CACNA2D3: variants seen among roughly 807,000 people sequenced by gnomAD.
CACNA2D3 encodes calcium voltage-gated channel auxiliary subunit alpha2delta 3.
Under a neutral mutation model 160.6 loss-of-function variants are expected in CACNA2D3, and 60 were observed. The observed-to-expected ratio is 0.37, with a 90% CI of 0.30 to 0.46. The LOEUF is 0.46. Among genes scored for constraint, CACNA2D3 ranks in the 20% least tolerant of loss-of-function variants. The probability of loss-of-function intolerance (pLI) is 1.00; values close to 1 mark genes in which losing one functional copy is unlikely to be tolerated. For missense variants in CACNA2D3, 1,205 were observed against 1,365.0 expected (o/e 0.88, Z 1.85); for synonymous variants, 558 against 492.9 (o/e 1.13, Z -1.75).
intron 11 of CACNA2D3, among the ~76,000 whole-genome samples, chr3:54,687,132 TTTGTTTTTTTTTTTTTTTG>T (rs1700472474): frequency 9.4e-5 from 6 of 64,144 alleles, no homozygotes; most frequent in Middle Eastern, 6.8e-3. Context: ...TTTTTTTTTT[TTTGTTTTTTTTTTTTTTTG>T]TTTTTTTGAC....
At chr3:54,311,914 C>T (rs1003924635) in intron 2 of CACNA2D3, among the ~76,000 whole-genome samples, 1 of 152,108 alleles carries the variant, frequency 6.6e-6, no homozygotes, top group Non-Finnish European at 1.5e-5. Flanking sequence ...ATCTCTTGCA[C>T]TGTGGCTGTT....
rs1699497279 is a variant in CACNA2D3 at position 54,122,639 on chromosome 3, C to G, written c.-75C>G. On this transcript the variant is annotated 5_prime_UTR_variant, in exon 1 of 38. Coordinates refer to ENST00000474759, the MANE Select transcript of CACNA2D3 (RefSeq NM_018398.3). The stretch of plus-strand genomic sequence containing the variant: ...GGAGCAGGCAGCCCCGCGCGCTCGC[C>G]CACCGCCCGCTCCGCGCAGCTCCCC... 3 of 968,930 alleles carry G rather than the reference C, an allele frequency of 3.1e-6. No homozygotes were observed. Among genetic ancestry groups the G allele is most frequent in the East Asian group, 2.3e-4 (2 of 8,706 alleles). 60.0% of individuals were successfully genotyped at this position (968,930 alleles called of 1,614,324 possible).
chr3:54,178,314 G>A (rs1700714080), intron 2 of CACNA2D3, among the ~76,000 whole-genome samples: 1 of 152,156 alleles, frequency 6.6e-6, no homozygotes, highest in South Asian at 2.1e-4. Context: ...CAGCCCTCTG[G>A]GGTACCTACC....
intron 3 of CACNA2D3, among the ~76,000 whole-genome samples, chr3:54,370,469 A>G (rs1168755053): frequency 1.3e-5 from 2 of 152,218 alleles, no homozygotes; most frequent in Non-Finnish European, 2.9e-5. Flanking sequence ...CAATCCATAT[A>G]TAAGGAATGC....
At chr3:54,915,175 T>C (rs1389916075) in intron 27 of CACNA2D3, among the ~76,000 whole-genome samples, 1 of 152,238 alleles carries the variant, frequency 6.6e-6, no homozygotes, top group Non-Finnish European at 1.5e-5. Flanking sequence ...AGATTCTTCC[T>C]GTGGGGTCAG....
chr3:54,879,541 A>T (rs1173797410), intron 20 of CACNA2D3, 130 bp downstream of exon 20: 2 of 673,986 alleles, frequency 3.0e-6, no homozygotes, highest in African/African-American at 3.7e-5. Context: ...GGAAAGAGTG[A>T]GGAAGGGGCT....
chr3:54,374,167 G>A (rs1280910204), intron 3 of CACNA2D3, among the ~76,000 whole-genome samples: 2 of 152,228 alleles, frequency 1.3e-5, no homozygotes, highest in Non-Finnish European at 2.9e-5. Context: ...GGAAACTGCT[G>A]TCTGAGTTGA....
chr3:55,004,137 A>C (rs1421293719), intron 31 of CACNA2D3, among the ~76,000 whole-genome samples: 1 of 152,242 alleles, frequency 6.6e-6, no homozygotes, highest in Non-Finnish European at 1.5e-5. Flanking sequence ...TTTTATCGCC[A>C]GTGTAGGAAA....
At chr3:54,520,454 G>A (rs759022278) in intron 5 of CACNA2D3, among the ~76,000 whole-genome samples, 6 of 152,190 alleles carry the variant, frequency 3.9e-5, no homozygotes, top group Non-Finnish European at 8.8e-5. Flanking sequence ...GACTCAGTCC[G>A]TGGACAGCAT....
At chr3:54,127,660 T>C (rs1032268463) in intron 2 of CACNA2D3, among the ~76,000 whole-genome samples, 5 of 152,244 alleles carry the variant, frequency 3.3e-5, no homozygotes, top group African/African-American at 1.2e-4. Context: ...GATGCTTTAA[T>C]TCATAGCATT....
At chr3:54,377,557 G>A (rs752299890) in intron 3 of CACNA2D3, among the ~76,000 whole-genome samples, 37 of 152,254 alleles carry the variant, frequency 2.4e-4, no homozygotes, top group Non-Finnish European at 4.7e-4. Flanking sequence ...GGAAATTTTT[G>A]TATGTATATT....
At chr3:54,739,578 C>A (rs1296152772) in intron 11 of CACNA2D3, among the ~76,000 whole-genome samples, 1 of 151,946 alleles carries the variant, frequency 6.6e-6, no homozygotes, top group African/African-American at 2.4e-5. Context: ...TACCAGTGCA[C>A]TATGCTTAGA....
intron 2 of CACNA2D3, among the ~76,000 whole-genome samples, chr3:54,313,524 A>T (rs1158968782): frequency 6.6e-6 from 1 of 151,738 alleles, no homozygotes; most frequent in Non-Finnish European, 1.5e-5. Flanking sequence ...CCACATCAGG[A>T]TGGGGTCCAA....
At chr3:54,615,764 C>T (rs1698836421) in intron 9 of CACNA2D3, among the ~76,000 whole-genome samples, 1 of 152,184 alleles carries the variant, frequency 6.6e-6, no homozygotes, top group Non-Finnish European at 1.5e-5. Context: ...AACCCACAGG[C>T]CACAGATCAA....
intron 9 of CACNA2D3, among the ~76,000 whole-genome samples, chr3:54,586,671 G>A (rs1702768241): frequency 6.6e-6 from 1 of 152,168 alleles, no homozygotes; most frequent in Non-Finnish European, 1.5e-5. Context: ...ATCAACCAAT[G>A]AGATTGAAAT....
chr3:54,429,040 C>T (rs1699949727), intron 4 of CACNA2D3, among the ~76,000 whole-genome samples: 1 of 152,132 alleles, frequency 6.6e-6, no homozygotes, highest in Non-Finnish European at 1.5e-5. Flanking sequence ...GTGGGATGTA[C>T]CTGGAGGAAG....
chr3:54,883,805 C>CTCTCTCTCTCTCTCTCTCTCTCTG (rs1432066326), intron 21 of CACNA2D3, among the ~76,000 whole-genome samples: 5 of 124,602 alleles, frequency 4.0e-5, no homozygotes, highest in Non-Finnish European at 8.6e-5. Flanking sequence ...TGGAATCTCT[C>CTCTCTCTCTCTCTCTCTCTCTCTG]TCTCTCTCTC....
At chr3:54,516,427 G>T (rs1701552759) in intron 5 of CACNA2D3, among the ~76,000 whole-genome samples, 1 of 152,122 alleles carries the variant, frequency 6.6e-6, no homozygotes, top group Non-Finnish European at 1.5e-5. Flanking sequence ...CTTCACGGTG[G>T]TAGAACAATT....
chr3:54,566,303 T>G (rs1475154991), intron 6 of CACNA2D3, among the ~76,000 whole-genome samples: 1 of 152,220 alleles, frequency 6.6e-6, no homozygotes, highest in African/African-American at 2.4e-5. Flanking sequence ...CTGTTGGCTA[T>G]TTCCTTCTGA....
Sources: gnomAD v4.1 joint callset for allele counts (sites outside exome capture counted in the v4.1 genomes callset) on GRCh38, gnomAD v4.1.1 for gene constraint, MANE v1.5 for transcripts, NCBI Gene and HGNC (gene_info 2026-07-23, HGNC 2026-07-21) for gene names.